The following LRIG1 variants were observed in gnomAD, a reference collection of about 807,000 sequenced individuals.
LRIG1 encodes the protein leucine rich repeats and immunoglobulin like domains 1.
In LRIG1, 48 loss-of-function variants were observed where a neutral mutation model predicts 99.2. The observed-to-expected ratio is 0.48, with a 90% CI of 0.38 to 0.62. The LOEUF (loss-of-function observed/expected upper bound fraction) is 0.62, where lower values mean the gene tolerates loss of function less well. Ranked by LOEUF, LRIG1 falls within the 20% of genes least tolerant of loss-of-function variation. The pLI is 0.00. For synonymous variants in LRIG1, 772 were observed against 596.1 expected (o/e 1.29, Z -4.30); for missense variants, 1,646 against 1,434.4 (o/e 1.15, Z -2.38).
intron 1 of LRIG1, among the ~76,000 whole-genome samples, chr3:66,481,562 C>A (rs771225795): frequency 3.3e-5 from 5 of 152,152 alleles, no homozygotes; most frequent in Non-Finnish European, 7.3e-5. Flanking sequence ...CACGCATGCA[C>A]ACAGAATTAA....
rs780942970 is a variant in LRIG1 at position 66,382,375 on chromosome 3, C to A, written c.2515G>T (p.Val839Phe). ...CCCTGAGAAGAGAGGTAGCTTGGAA[C>A]ATCTGGTGGCACGACGGTTTCATCT... Reference protein sequence around the residue: ...NTDETVVPPDVPSYLSSQGTL... With the variant: ...NTDETVVPPDFPSYLSSQGTL... Residue 839 changes from valine (V) to phenylalanine (F), a missense_variant, in exon 16 of 19, where the codon GTT becomes TTT. Val to Phe is a conservative substitution (Grantham distance 50). Transcript: ENST00000273261. 6.2e-7 allele frequency: 1 copy of A among 1,614,214 alleles called. No homozygotes were observed. The highest frequency in any genetic ancestry group is 1.7e-5 in the Admixed American group (1 of 60,034).
intron 15 of LRIG1, 76 bp downstream of exon 15, chr3:66,382,906 T>A: frequency 7.2e-7 from 1 of 1,394,014 alleles, no homozygotes; most frequent in African/African-American, 1.4e-5. Flanking sequence ...CAAAAGCCAC[T>A]GGAACCCGGC....
chr3:66,474,440 G>C (rs144418781), intron 1 of LRIG1, among the ~76,000 whole-genome samples: 1,685 of 151,284 alleles, frequency 0.011, 14 homozygotes, highest in South Asian at 0.028. Context: ...CTGCCTCCCT[G>C]GTTCAAGTGA....
chr3:66,424,727 G>A (rs954265005), intron 3 of LRIG1, among the ~76,000 whole-genome samples: 4 of 152,178 alleles, frequency 2.6e-5, no homozygotes, highest in South Asian at 2.1e-4. Context: ...CCTGACTTAC[G>A]ATGGTTCAGC....
chr3:66,408,529 A>C (rs1702355771), intron 7 of LRIG1, among the ~76,000 whole-genome samples: 1 of 152,166 alleles, frequency 6.6e-6, no homozygotes, highest in Non-Finnish European at 1.5e-5. Context: ...GCCTTCCACC[A>C]GCTAGAGAGG....
rs530978995 is a variant in LRIG1 at position 66,481,695 on chromosome 3, C to T, written c.218+18495G>A. Among the ~76,000 whole-genome samples, 5 of 152,314 alleles carry T rather than the reference C, an allele frequency of 3.3e-5. No individual in the cohort carries two copies. The South Asian group carries it at 1.0e-3, about 32-fold the overall frequency. On this transcript the variant is annotated intron_variant, in intron 1 of 18. Transcript: ENST00000273261. Reference sequence around the variant, plus strand: ...CCTTTCAATACCAAATTACTCCTTACCTTTAAAACCTTTACAGGAAGTAGT... The same window carrying T: ...CCTTTCAATACCAAATTACTCCTTATCTTTAAAACCTTTACAGGAAGTAGT...
chr3:66,407,628 C>CAT, intron 7 of LRIG1, 137 bp from the exon 8 acceptor site: 1 of 848,860 alleles, frequency 1.2e-6, no homozygotes, highest in Admixed American at 2.4e-5. Flanking sequence ...TGCGTGCACA[C>CAT]ACACACCCAC....
chr3:66,435,270 CA>C (rs148290569), intron 3 of LRIG1, among the ~76,000 whole-genome samples: 328 of 152,004 alleles, frequency 2.2e-3, no homozygotes, highest in Non-Finnish European at 3.5e-3. Context: ...AGAAGTCAAC[CA>C]GGGGGGGCTA....
At chr3:66,458,297 A>G (rs566904253) in intron 2 of LRIG1, among the ~76,000 whole-genome samples, 122 of 152,252 alleles carry the variant, frequency 8.0e-4, no homozygotes, top group Middle Eastern at 3.4e-3. Context: ...TTGTAGAGAC[A>G]GGGTCTCACT....
At chr3:66,487,125 A>G (rs1386292399) in intron 1 of LRIG1, among the ~76,000 whole-genome samples, 2 of 152,192 alleles carry the variant, frequency 1.3e-5, no homozygotes, top group Non-Finnish European at 1.5e-5. Flanking sequence ...GAGAAATGGG[A>G]AAGGAAGAGA....
chr3:66,447,327 A>G (rs1487809029), intron 3 of LRIG1, among the ~76,000 whole-genome samples: 1 of 152,008 alleles, frequency 6.6e-6, no homozygotes, highest in Non-Finnish European at 1.5e-5. Flanking sequence ...ATTTTTTTGT[A>G]CCCATTGACC....
rs181802252 is a variant in LRIG1 at position 66,421,322 on chromosome 3, G to T, written c.366-4056C>A. Among the ~76,000 whole-genome samples the T allele has an allele frequency of 3.4e-3, 516 of 152,278 alleles. 3 individuals carry two copies. The highest frequency in any genetic ancestry group is 0.012 in the African/African-American group (498 of 41,548). On this transcript the variant is annotated intron_variant, in intron 3 of 18. Transcript: ENST00000273261. ...AGTCCAAAGTCTCTTCTGAGACAAT[G>T]CAAGTCCCTCTGCCTATGAACCTGT... is the stretch of plus-strand genomic sequence containing the variant.
chr3:66,412,585 G>A (rs553793971), intron 6 of LRIG1, among the ~76,000 whole-genome samples: 1 of 152,230 alleles, frequency 6.6e-6, no homozygotes, highest in Non-Finnish European at 1.5e-5. Context: ...AAGGGAAGGG[G>A]GCTGGGTCCG....
Position 66,382,283 on chromosome 3 carries a change from A to C in LRIG1, c.2607T>G (p.Ile869Met). ...TEGGPQANGH[I>M]ESNGVCPRDA... ...TTACTGAGGCCTTACCATTGCTCTC[A>C]ATGTGCCCATTGGCCTGAGGGCCAC... Residue 869 changes from isoleucine (I) to methionine (M), a missense_variant, in exon 16 of 19, where the codon ATT becomes ATG. Physicochemically the swap from Ile to Met is conservative, Grantham distance 10 (BLOSUM62 1). Coordinates refer to ENST00000273261, the MANE Select transcript of LRIG1 (RefSeq NM_015541.3). The C allele has an allele frequency of 6.2e-7, 1 of 1,614,134 alleles. No individual in the cohort carries two copies. The highest frequency in any genetic ancestry group is 1.3e-5 in the African/African-American group (1 of 75,038).
At chr3:66,393,512 G>C (rs1161136130) in intron 12 of LRIG1, among the ~76,000 whole-genome samples, 4 of 152,208 alleles carry the variant, frequency 2.6e-5, no homozygotes, top group African/African-American at 9.6e-5. Flanking sequence ...CAAGAGCTAC[G>C]CTCCAGGAAT....
At chr3:66,451,460 G>T in intron 3 of LRIG1, 99 bp downstream of exon 3, 1 of 903,710 alleles carries the variant, frequency 1.1e-6, no homozygotes, top group Non-Finnish European at 1.8e-6. Context: ...TCACCAGCGA[G>T]CACATGAACT....
chr3:66,416,004 G>T (rs1285704901), intron 4 of LRIG1, among the ~76,000 whole-genome samples: 1 of 152,172 alleles, frequency 6.6e-6, no homozygotes, highest in Non-Finnish European at 1.5e-5. Flanking sequence ...AGGCACATAA[G>T]GATTCTTTGC....
chr3:66,471,853 G>A (rs772403734), intron 1 of LRIG1, among the ~76,000 whole-genome samples: 3 of 152,104 alleles, frequency 2.0e-5, no homozygotes, highest in African/African-American at 4.8e-5. Context: ...CTCTGGTCAC[G>A]GATTACTGTT....
chr3:66,451,934 C>A (rs1272455831), intron 2 of LRIG1, among the ~76,000 whole-genome samples: 2 of 152,116 alleles, frequency 1.3e-5, no homozygotes, highest in Admixed American at 1.3e-4. Flanking sequence ...GAGAACAAGC[C>A]AAGAGGCAGG....
Sources: gnomAD v4.1 joint callset for allele counts (sites outside exome capture counted in the v4.1 genomes callset) on GRCh38, gnomAD v4.1.1 for gene constraint, MANE v1.5 for transcripts, NCBI Gene and HGNC (gene_info 2026-07-23, HGNC 2026-07-21) for gene names.